CCSER1: variants seen among roughly 807,000 people sequenced by gnomAD.
The protein encoded by CCSER1 is serine-rich coiled-coil domain-containing protein 1.
A neutral mutation model predicts 82.0 loss-of-function variants in CCSER1; 41 were observed. The ratio of observed to expected loss-of-function variants is 0.50; its 90% CI spans 0.39 to 0.65. The LOEUF is 0.65. CCSER1 is among the 30% of genes least tolerant of loss of function. The pLI is 0.00. For synonymous variants in CCSER1, 414 were observed against 383.9 expected, an observed-to-expected ratio of 1.08 and a Z score of -0.92; for missense variants, 1,119 against 1,064.2, an observed-to-expected ratio of 1.05 and a Z score of -0.72.
chr4:90,208,498 T>G (rs1475243533), intron 1 of CCSER1, among the ~76,000 whole-genome samples: 2 of 149,940 alleles, frequency 1.3e-5, no homozygotes, highest in Non-Finnish European at 3.0e-5. Context: ...AGCCCCTCTT[T>G]CCAGGGGCGT....
intron 1 of CCSER1, among the ~76,000 whole-genome samples, chr4:90,188,225 T>C (rs1448645216): frequency 1.3e-5 from 2 of 151,922 alleles, no homozygotes; most frequent in East Asian, 3.9e-4. Flanking sequence ...TATATTCCTC[T>C]AGGGTATCTT....
chr4:90,911,198 TAGCA>T, intron 8 of CCSER1: 2 of 430,694 alleles, frequency 4.6e-6, no homozygotes, highest in Admixed American at 2.7e-5. Flanking sequence ...TTTTTCAAGT[TAGCA>T]ATTTTCTACA....
intron 6 of CCSER1, among the ~76,000 whole-genome samples, chr4:90,629,805 C>T (rs953520371): frequency 6.6e-6 from 1 of 152,132 alleles, no homozygotes; most frequent in Admixed American, 6.5e-5. Context: ...GGCAGTTCAG[C>T]AAAGGCATCA....
intron 1 of CCSER1, among the ~76,000 whole-genome samples, chr4:90,218,463 A>ATAAAAAT (rs1360733618): frequency 6.6e-6 from 1 of 152,240 alleles, no homozygotes; most frequent in Non-Finnish European, 1.5e-5. Flanking sequence ...TGAATTTAAA[A>ATAAAAAT]TAAAAATTGA....
intron 10 of CCSER1, among the ~76,000 whole-genome samples, chr4:91,511,005 T>C (rs1759788132): frequency 6.6e-6 from 1 of 152,200 alleles, no homozygotes; most frequent in Admixed American, 6.5e-5. Flanking sequence ...AATTTTTGTA[T>C]ATGGCGATAA....
At chr4:91,341,022 T>C (rs1444343545) in intron 10 of CCSER1, among the ~76,000 whole-genome samples, 2 of 152,220 alleles carry the variant, frequency 1.3e-5, no homozygotes, top group Admixed American at 1.3e-4. Context: ...TTTTCCATTT[T>C]AATGAAAATA....
intron 5 of CCSER1, among the ~76,000 whole-genome samples, chr4:90,545,318 G>C (rs1219537592): frequency 1.3e-5 from 2 of 152,172 alleles, no homozygotes; most frequent in African/African-American, 4.8e-5. Flanking sequence ...TTACCTGCAA[G>C]CAAGCAATTT....
intron 10 of CCSER1, among the ~76,000 whole-genome samples, chr4:91,360,635 C>T (rs17018385): frequency 0.055 from 8,392 of 151,678 alleles, 825 homozygotes; most frequent in African/African-American, 0.19. Flanking sequence ...CCCTATAGCT[C>T]GAGCTCAGCC....
At chr4:91,203,040 A>G (rs542552732) in intron 10 of CCSER1, among the ~76,000 whole-genome samples, 8 of 152,088 alleles carry the variant, frequency 5.3e-5, no homozygotes, top group East Asian at 3.9e-4. Flanking sequence ...ATAAAAATGT[A>G]GTCACTGTCC....
intron 8 of CCSER1, among the ~76,000 whole-genome samples, chr4:90,864,875 C>A (rs1351305190): frequency 6.6e-6 from 1 of 151,936 alleles, no homozygotes; most frequent in Non-Finnish European, 1.5e-5. Flanking sequence ...TCACCAATAT[C>A]TTTTCTTTGT....
At chr4:90,927,022 C>A (rs1729153023) in intron 9 of CCSER1, among the ~76,000 whole-genome samples, 1 of 152,022 alleles carries the variant, frequency 6.6e-6, no homozygotes, top group African/African-American at 2.4e-5. Context: ...TGAACTACTA[C>A]AAATAGCATT....
chr4:90,734,195 C>T (rs936160651), intron 7 of CCSER1, among the ~76,000 whole-genome samples: 7 of 151,704 alleles, frequency 4.6e-5, no homozygotes, highest in Non-Finnish European at 7.4e-5. Context: ...GTGCAATCTC[C>T]GGTCACTGCA....
intron 10 of CCSER1, among the ~76,000 whole-genome samples, chr4:91,154,110 G>A (rs1179976242): frequency 6.6e-6 from 1 of 152,008 alleles, no homozygotes; most frequent in Non-Finnish European, 1.5e-5. Flanking sequence ...CCCCAGAGGT[G>A]GAGTCTACAG....
intron 10 of CCSER1, among the ~76,000 whole-genome samples, chr4:91,441,231 G>A (rs1042610249): frequency 6.6e-6 from 1 of 151,524 alleles, no homozygotes; most frequent in Non-Finnish European, 1.5e-5. Flanking sequence ...ATAAAATACT[G>A]GCAAACCGAA....
At chr4:90,183,304 G>A (rs1321451350) in intron 1 of CCSER1, among the ~76,000 whole-genome samples, 1 of 151,844 alleles carries the variant, frequency 6.6e-6, no homozygotes, top group Non-Finnish European at 1.5e-5. Context: ...CCTGTATCCG[G>A]TTTTAACCAT....
chr4:91,221,797 A>C (rs1007265418), intron 10 of CCSER1, among the ~76,000 whole-genome samples: 4 of 152,108 alleles, frequency 2.6e-5, no homozygotes, highest in African/African-American at 9.7e-5. Flanking sequence ...CTAATGCTGG[A>C]AACAGTCCAT....
At chr4:90,743,152 A>G (rs59066722) in intron 7 of CCSER1, among the ~76,000 whole-genome samples, 7,871 of 152,290 alleles carry the variant, frequency 0.052, 470 homozygotes, top group African/African-American at 0.15. Context: ...GCTTAGGAAT[A>G]TAATGAATAC....
intron 8 of CCSER1, among the ~76,000 whole-genome samples, chr4:90,871,534 G>T (rs1478662382): frequency 2.0e-5 from 3 of 151,746 alleles, no homozygotes; most frequent in African/African-American, 4.8e-5. Flanking sequence ...AAGGATAATT[G>T]ATATTATTTC....
intron 10 of CCSER1, among the ~76,000 whole-genome samples, chr4:91,360,969 T>C (rs941742854): frequency 6.6e-6 from 1 of 151,812 alleles, no homozygotes; most frequent in Non-Finnish European, 1.5e-5. Flanking sequence ...TCCTTTGAGA[T>C]AAAAAGCTGA....
Sources: gnomAD v4.1 joint callset for allele counts (sites outside exome capture counted in the v4.1 genomes callset) on GRCh38, gnomAD v4.1.1 for gene constraint, MANE v1.5 for transcripts, NCBI Gene and HGNC (gene_info 2026-07-23, HGNC 2026-07-21) for gene names.